Variants in SEC24B observed in about 807,000 individuals in gnomAD.
The protein encoded by SEC24B is protein transport protein Sec24B.
In SEC24B, 45 loss-of-function variants were observed where a neutral mutation model predicts 142.8. The observed-to-expected ratio is 0.32, with a 90% CI of 0.25 to 0.40. The LOEUF (loss-of-function observed/expected upper bound fraction) is 0.40. Among genes scored for constraint, SEC24B ranks in the 10% least tolerant of loss-of-function variants. SEC24B has a pLI of 1.00. For synonymous variants in SEC24B, 574 were observed against 568.2 expected (o/e 1.01, Z -0.15); for missense variants, 1,409 against 1,526.8 (o/e 0.92, Z 1.29).
chr4:109,515,341 T>C (rs1737818381), intron 10 of SEC24B, among the ~76,000 whole-genome samples: 1 of 152,176 alleles, frequency 6.6e-6, no homozygotes, highest in South Asian at 2.1e-4. Context: ...GACCTCGTAA[T>C]CCACCGGCCT....
At chr4:109,511,827 A>T in intron 8 of SEC24B, 130 bp from the exon 9 acceptor site, 1 of 858,914 alleles carries the variant, frequency 1.2e-6, no homozygotes. Flanking sequence ...GGATTTTATT[A>T]ATATGCTTCC....
At chr4:109,525,570 T>G in intron 16 of SEC24B, 66 bp downstream of exon 16, 2 of 1,094,978 alleles carry the variant, frequency 1.8e-6, no homozygotes, top group Non-Finnish European at 2.6e-6. Context: ...GCATTCCATG[T>G]ATTGACTACC....
rs898432118 is a variant in SEC24B, at chr4:109,540,262, A to G, written c.*587A>G. 1 of 152,744 alleles carries G rather than the reference A, an allele frequency of 6.5e-6. No individual in the cohort carries two copies. The highest frequency in any genetic ancestry group is 1.5e-5 in the Non-Finnish European group (1 of 68,098). 9.5% of individuals were successfully genotyped at this position (152,744 alleles called of 1,614,324 possible). A position where few individuals can be genotyped will look rare whatever the true frequency, so the allele number is the denominator to read the frequency against. On this transcript the variant is annotated 3_prime_UTR_variant, in exon 24 of 24. Coordinates refer to ENST00000265175, the MANE Select transcript of SEC24B (RefSeq NM_006323.5). ...GTAAAGAAAATGTAAAAATGTAACT[A>G]TAGCATATGAATTGCTTAAACTGTG...
Position 109,463,390 on chromosome 4 carries a change from G to A in SEC24B, c.623G>A (p.Gly208Glu). 1.2e-6 allele frequency: 2 copies of A among 1,614,098 alleles called. No individual in the cohort carries two copies. Among genetic ancestry groups the A allele is most frequent in the Non-Finnish European group, 1.7e-6 (2 of 1,180,028 alleles). Residue 208 changes from glycine (G) to glutamate (E), a missense_variant, in exon 2 of 24, where the codon GGG becomes GAG. Coordinates refer to ENST00000265175, the MANE Select transcript of SEC24B (RefSeq NM_006323.5). ...YPSLPAGDTY[G>E]QMFTSQNAPT... is the part of the protein sequence containing the mutation. ...TCTCTGCCTGCTGGTGATACATATG[G>A]GCAAATGTTTACCTCACAGAATGCT...
intron 9 of SEC24B, 41 bp downstream of exon 9, chr4:109,512,124 A>AT: frequency 6.6e-7 from 1 of 1,524,316 alleles, no homozygotes; most frequent in Non-Finnish European, 8.8e-7. Context: ...TCCTATTTTC[A>AT]GGTTTTTTTT....
chr4:109,478,010 G>A (rs1191599243), intron 3 of SEC24B, among the ~76,000 whole-genome samples: 1 of 152,106 alleles, frequency 6.6e-6, no homozygotes, highest in East Asian at 1.9e-4. Flanking sequence ...AACTGGGCAT[G>A]GTGGCTCACG....
intron 22 of SEC24B, among the ~76,000 whole-genome samples, chr4:109,534,654 T>A (rs548581436): frequency 6.6e-6 from 1 of 152,108 alleles, no homozygotes; most frequent in South Asian, 2.1e-4. Flanking sequence ...AATCAATAAA[T>A]CTGAAAGCGC....
At chr4:109,515,367 C>T (rs1304120697) in intron 10 of SEC24B, among the ~76,000 whole-genome samples, 1 of 152,216 alleles carries the variant, frequency 6.6e-6, no homozygotes, top group Admixed American at 6.5e-5. Context: ...TCCCAAAGTG[C>T]TGAGATTACA....
At position 109,521,562 on chromosome 4, in the gene SEC24B, T is replaced by C; in HGVS notation, c.2444T>C (p.Leu815Ser). The C allele has an allele frequency of 6.2e-7, 1 of 1,614,152 alleles. No homozygotes were observed. The highest frequency in any genetic ancestry group is 1.3e-5 in the African/African-American group (1 of 75,068). The change falls in exon 14 of 24, where the codon TTA (leucine) becomes TCA (serine). Residue 815 changes from leucine (L) to serine (S), a missense_variant. Physicochemically the swap from Leu to Ser is moderately radical, Grantham distance 145 (BLOSUM62 -2). This residue lies in a region of SEC24B where 700 missense variants were observed against 853.3 expected (regional missense o/e 0.82). Transcript: ENST00000265175. ...GGRVSVFQTQ[L>S]PSLGAGLLQS... ...CGTGTGTCTGTATTTCAGACACAGT[T>C]ACCTTCCTTGGGTGCAGGACTTCTG...
rs1735355713 is a variant in SEC24B, at chr4:109,494,692, G to T, written c.1324G>T (p.Ala442Ser). The change falls in exon 6 of 24, where the codon GCT becomes TCT. Residue 442 changes from alanine to serine, a missense_variant. By Grantham distance (99) the Ala-to-Ser change is moderately conservative. Coordinates refer to ENST00000265175, the MANE Select transcript of SEC24B (RefSeq NM_006323.5). ...TGATCCTGCTTCTGCTCCAGCTCCA[G>T]CTTCAGCTCCAGCTCCTGTCGTCCC... Reference protein sequence around the residue: ...EPDPASAPAPASAPAPVVPQP... With the variant: ...EPDPASAPAPSSAPAPVVPQP... The T allele has an allele frequency of 6.2e-7, 1 of 1,613,882 alleles. No individual in the cohort carries two copies. Among genetic ancestry groups the T allele is most frequent in the African/African-American group, 1.3e-5 (1 of 74,916 alleles).
At chr4:109,500,240 CT>C (rs1735975166) in intron 6 of SEC24B, among the ~76,000 whole-genome samples, 1 of 152,100 alleles carries the variant, frequency 6.6e-6, no homozygotes, top group Admixed American at 6.6e-5. Context: ...CATTGCGGTT[CT>C]TGCCATTGAA....
intron 3 of SEC24B, among the ~76,000 whole-genome samples, chr4:109,476,187 A>T (rs184592291): frequency 3.7e-4 from 57 of 152,204 alleles, no homozygotes; most frequent in African/African-American, 1.3e-3. Context: ...GGGTTTCACC[A>T]TGTTGACCAG....
intron 5 of SEC24B, among the ~76,000 whole-genome samples, chr4:109,492,797 C>T (rs960686411): frequency 2.0e-5 from 3 of 151,950 alleles, no homozygotes; most frequent in Non-Finnish European, 2.9e-5. Context: ...TCACTGCAGC[C>T]TGGTACTACT....
chr4:109,525,840 A>T (rs775949091), intron 16 of SEC24B, among the ~76,000 whole-genome samples: 1 of 152,144 alleles, frequency 6.6e-6, no homozygotes, highest in Non-Finnish European at 1.5e-5. Context: ...CATTTAATGT[A>T]CACTTCCTTG....
At chr4:109,514,481 C>G (rs137858356) in intron 10 of SEC24B, among the ~76,000 whole-genome samples, 46 of 152,202 alleles carry the variant, frequency 3.0e-4, no homozygotes, top group African/African-American at 9.9e-4. Context: ...GGTGGATCAC[C>G]TGAGGTCAAG....
rs147776907 is a variant in SEC24B at position 109,528,989 on chromosome 4, C to A, written c.3077-1300C>A. Among the ~76,000 whole-genome samples the A allele has an allele frequency of 2.3e-3, 356 of 152,166 alleles. 2 individuals carry two copies. The highest frequency in any genetic ancestry group is 8.2e-3 in the African/African-American group (342 of 41,508). On this transcript the variant is annotated intron_variant, in intron 18 of 23. Coordinates refer to ENST00000265175, the MANE Select transcript of SEC24B (RefSeq NM_006323.5). ...ACGAGACTGGTCAATGAAGTGAGAC[C>A]CTGTCTCTACTAAAAATACAAAAAT...
intron 4 of SEC24B, among the ~76,000 whole-genome samples, chr4:109,487,070 C>G (rs1034527842): frequency 6.7e-6 from 1 of 148,946 alleles, no homozygotes; most frequent in Non-Finnish European, 1.5e-5. Flanking sequence ...GAGGCTGAGG[C>G]AGGAGAATCA....
rs1007695328 is a variant in SEC24B, at chr4:109,435,024, T to G, written c.133+1022T>G. Among the ~76,000 whole-genome samples the G allele has an allele frequency of 2.6e-5, 4 of 152,236 alleles. No individual in the cohort carries two copies. In the South Asian group the frequency reaches 6.2e-4, roughly 24 times the overall value. On this transcript the variant is annotated intron_variant, in intron 1 of 23. Transcript: ENST00000265175. ...AATTGACTGAATTTAGAAAAATACC[T>G]CTGTCCTGTGTTGGTACGAGAACCA...
intron 4 of SEC24B, among the ~76,000 whole-genome samples, chr4:109,485,594 T>A (rs1053829418): frequency 6.6e-6 from 1 of 152,246 alleles, no homozygotes; most frequent in African/African-American, 2.4e-5. Context: ...AATGGTTTTT[T>A]AAAATAATAT....
Sources: gnomAD v4.1 joint callset for allele counts (sites outside exome capture counted in the v4.1 genomes callset) on GRCh38, gnomAD v4.1.1 for gene constraint, gnomAD v4.1.1 regional missense constraint, MANE v1.5 for transcripts, NCBI Gene and HGNC (gene_info 2026-07-23, HGNC 2026-07-21) for gene names.